Variants in ACAA2 observed in about 807,000 individuals in gnomAD.
The protein encoded by ACAA2 is acetyl-CoA acyltransferase 2.
A neutral mutation model predicts 44.8 loss-of-function variants in ACAA2; 35 were observed. The observed-to-expected ratio is 0.78, with a 90% CI of 0.60 to 1.04. ACAA2 has a LOEUF of 1.04. Among genes scored for constraint, ACAA2 ranks in the 50% least tolerant of loss-of-function variants. ACAA2 has a pLI of 0.00. For synonymous variants in ACAA2, 142 were observed against 166.5 expected (o/e 0.85, Z 1.13); for missense variants, 468 against 482.6 (o/e 0.97, Z 0.28).
At chr18:49,813,425 C>T (rs1471607474) in intron 1 of ACAA2, 44 bp downstream of exon 1, 1 of 1,231,050 alleles carries the variant, frequency 8.1e-7, no homozygotes, top group Non-Finnish European at 1.0e-6. Flanking sequence ...CTGGGGAGGG[C>T]AGGACCCCGA....
In ACAA2 at chr18:49,794,307, G is replaced by C; in HGVS notation, c.550C>G (p.Leu184Val). The change falls in exon 5 of 10, where the codon CTG (leucine) becomes GTG (valine). Residue 184 changes from leucine to valine, a missense_variant. Transcript: ENST00000285093. ...GCTTTCCATCTCTGCTGTGACTGCA[G>C]GGCATATTTGTCACATTCTTCTCTG... Reference protein sequence around the residue: ...ISREECDKYALQSQQRWKAAN... With the variant: ...ISREECDKYAVQSQQRWKAAN... 1 of 1,608,482 alleles carries C rather than the reference G, an allele frequency of 6.2e-7. No individual in the cohort carries two copies.
At chr18:49,806,380 C>T (rs570411453) in intron 1 of ACAA2, among the ~76,000 whole-genome samples, 1 of 152,274 alleles carries the variant, frequency 6.6e-6, no homozygotes, top group East Asian at 1.9e-4. Flanking sequence ...GGTCAGACCA[C>T]AAGCACCTAA....
At chr18:49,785,514 T>TTTAAAATGTGTATATTTAC in intron 8 of ACAA2, 163 bp from the exon 9 acceptor site, 1 of 683,390 alleles carries the variant, frequency 1.5e-6, no homozygotes, top group South Asian at 2.0e-5. Flanking sequence ...AGCTATCAGG[T>TTTAAAATGTGTATATTTAC]TTAAAATGTG....
Position 49,785,359 on chromosome 18 carries a change from C to CA in ACAA2, c.955-9dup. The stretch of plus-strand genomic sequence containing the variant: ...AGCAAAAGCTTCATTCACCTTAAAA[C>CA]AAAAATTAGAGCACTAACAAAAATC... On this transcript the variant is annotated splice_polypyrimidine_tract_variant and intron_variant, in intron 8 of 9. Transcript: ENST00000285093. 1 of 1,612,334 alleles carries CA rather than the reference C, an allele frequency of 6.2e-7. No homozygotes were observed. The highest frequency in any genetic ancestry group is 2.2e-5 in the East Asian group (1 of 44,838).
chr18:49,784,594 G>GAGTC, intron 9 of ACAA2, among the ~76,000 whole-genome samples: 1 of 152,240 alleles, frequency 6.6e-6, no homozygotes, highest in Non-Finnish European at 1.5e-5. Context: ...GCCTAACAGG[G>GAGTC]AGTCAGAGTA....
At chr18:49,813,283 A>C (rs1407474701) in intron 1 of ACAA2, among the ~76,000 whole-genome samples, 186 bp downstream of exon 1, 2 of 152,268 alleles carry the variant, frequency 1.3e-5, no homozygotes, top group Non-Finnish European at 2.9e-5. Flanking sequence ...CTTACAAGTA[A>C]GGGTTTTCTC....
intron 2 of ACAA2, among the ~76,000 whole-genome samples, chr18:49,799,968 C>A (rs1309729332): frequency 6.7e-6 from 1 of 150,058 alleles, no homozygotes; most frequent in Non-Finnish European, 1.5e-5. Flanking sequence ...GTGAGGAGCC[C>A]CTCCGCCCGG....
In ACAA2 at chr18:49,792,162, C is replaced by A; in HGVS notation, c.743G>T (p.Gly248Val). 6.2e-7 allele frequency: 1 copy of A among 1,613,170 alleles called. No individual in the cohort carries two copies. The highest frequency in any genetic ancestry group is 1.1e-5 in the South Asian group (1 of 90,958). ...TGTGGTGATACCAACCGATGCATTC[C>A]CTGCAGTAACAGTTCCATCTTTCTT... ...VFKKDGTVTA[G>V]NASGVADGAG... is the part of the protein sequence containing the mutation. Residue 248 changes from glycine to valine, a missense_variant, in exon 6 of 10, where the codon GGG (glycine) becomes GTG (valine). Transcript: ENST00000285093.
At chr18:49,807,649 T>G (rs1598802899) in intron 1 of ACAA2, among the ~76,000 whole-genome samples, 1 of 152,160 alleles carries the variant, frequency 6.6e-6, no homozygotes, top group South Asian at 2.1e-4. Flanking sequence ...CTGGGAGACA[T>G]GATGGGACCC....
At chr18:49,797,230 T>C (rs908216329) in intron 3 of ACAA2, among the ~76,000 whole-genome samples, 1 of 151,972 alleles carries the variant, frequency 6.6e-6, no homozygotes, top group Admixed American at 6.5e-5. Flanking sequence ...TGTCCTTTTA[T>C]GACAGGCTTA....
chr18:49,792,203 T>C lies in ACAA2; in HGVS notation c.702A>G (p.Lys234=). The C allele has an allele frequency of 1.9e-6, 3 of 1,613,970 alleles. No homozygotes were observed. The highest frequency in any genetic ancestry group is 2.5e-6 in the Non-Finnish European group (3 of 1,179,940). The part of the protein sequence containing the change: ...RPQTTLEQLQ[K]LPPVFKKDGT... Reference sequence around the variant, plus strand: ...CATCTTTCTTGAATACTGGAGGAAGTTTCTGTAACTGTTCCAGGGTGGTTT... The same window carrying C: ...CATCTTTCTTGAATACTGGAGGAAGCTTCTGTAACTGTTCCAGGGTGGTTT... The change falls in exon 6 of 10, where the codon AAA becomes AAG. Residue 234 remains lysine (K), a synonymous_variant. Transcript: ENST00000285093.
intron 8 of ACAA2, among the ~76,000 whole-genome samples, chr18:49,787,035 C>T (rs532330395): frequency 6.6e-6 from 1 of 152,010 alleles, no homozygotes; most frequent in South Asian, 2.1e-4. Context: ...AAGAAATTCC[C>T]AGGAATTTAT....
At chr18:49,812,931 C>G (rs753679026) in intron 1 of ACAA2, 2 of 152,722 alleles carry the variant, frequency 1.3e-5, no homozygotes, top group Non-Finnish European at 2.9e-5. Flanking sequence ...GTTCATAACC[C>G]TAGAACTTAG....
At chr18:49,788,496 G>A (rs969576113) in intron 7 of ACAA2, among the ~76,000 whole-genome samples, 1 of 152,156 alleles carries the variant, frequency 6.6e-6, no homozygotes, top group Non-Finnish European at 1.5e-5. Context: ...TAAAATGCCA[G>A]TTTCATGTGG....
At chr18:49,813,066 ACCG>A (rs1247611934) in intron 1 of ACAA2, 1 of 176,822 alleles carries the variant, frequency 5.7e-6, no homozygotes, top group Non-Finnish European at 1.2e-5. Flanking sequence ...AGCCCTGACC[ACCG>A]AGGCCGAGCG....
At chr18:49,802,389 C>G (rs2023562577) in intron 2 of ACAA2, among the ~76,000 whole-genome samples, 2 of 151,822 alleles carry the variant, frequency 1.3e-5, no homozygotes, top group South Asian at 4.2e-4. Context: ...TGGTAAAACC[C>G]TGTCTCTATT....
In ACAA2 at chr18:49,803,239, AAATAATAATAATAAT is replaced by A. The variant is rs10639158; in HGVS notation, c.17-401_17-387del. On this transcript the variant is annotated intron_variant, in intron 1 of 9. Coordinates refer to ENST00000285093, the MANE Select transcript of ACAA2 (RefSeq NM_006111.3). ...TGCCACCACCCGGCCCTGGTAGTTA[AAATAATAATAATAAT>A]AATAATAATAATAATAATAATAATA... Among the ~76,000 whole-genome samples the A allele has an allele frequency of 8.5e-4, 121 of 142,384 alleles. 1 individual carries two copies. Among genetic ancestry groups the A allele is most frequent in the Middle Eastern group, 7.4e-3 (2 of 272 alleles). The allele number at this position is 142,384 out of a possible 152,430, so 93.4% of individuals were successfully genotyped here.
At chr18:49,802,414 TA>T (rs1416958829) in intron 2 of ACAA2, among the ~76,000 whole-genome samples, 1 of 151,816 alleles carries the variant, frequency 6.6e-6, no homozygotes. Context: ...ACACAAAAAT[TA>T]GCTGGGCTTG....
intron 1 of ACAA2, among the ~76,000 whole-genome samples, chr18:49,808,507 G>A (rs549264409): frequency 1.5e-4 from 23 of 152,048 alleles, no homozygotes; most frequent in African/African-American, 3.9e-4. Context: ...CTTAAGTGTC[G>A]GCCGGTCTGA....
Sources: gnomAD v4.1 joint callset for allele counts (sites outside exome capture counted in the v4.1 genomes callset) on GRCh38, gnomAD v4.1.1 for gene constraint, MANE v1.5 for transcripts, NCBI Gene and HGNC (gene_info 2026-07-23, HGNC 2026-07-21) for gene names.